Variants in LINGO2 observed in about 807,000 individuals in gnomAD.
The protein encoded by LINGO2 is leucine rich repeat and Ig domain containing 2.
A neutral mutation model predicts 30.6 loss-of-function variants in LINGO2; 14 were observed. That is an observed-to-expected ratio of 0.46 (90% confidence interval 0.30 to 0.72). The LOEUF is 0.72. Among genes scored for constraint, LINGO2 ranks in the 30% least tolerant of loss-of-function variants. The probability of loss-of-function intolerance (pLI) is 0.07; values close to 1 mark genes in which losing one functional copy is unlikely to be tolerated. For missense variants in LINGO2, 729 were observed against 751.7 expected (o/e 0.97, Z 0.35); for synonymous variants, 317 against 288.5 (o/e 1.10, Z -1.00).
the LINGO2 span, among the ~76,000 whole-genome samples, chr9:29,098,406 T>C: frequency 6.6e-6 from 1 of 151,962 alleles, no homozygotes; most frequent in Non-Finnish European, 1.5e-5. Context: ...CTTGGGAAGA[T>C]TCAAGTAGTG....
chr9:28,766,523 C>A, the LINGO2 span, among the ~76,000 whole-genome samples: 1 of 151,382 alleles, frequency 6.6e-6, no homozygotes, highest in Non-Finnish European at 1.5e-5. Context: ...TATAAAGATT[C>A]CTCAAAAATT....
In LINGO2 at chr9:28,555,946, C is replaced by A. The variant is rs1481265337; in HGVS notation, c.-364-79921G>T. ...AAAGGCCTTTGACAAAATTCAACAG[C>A]CCTTCATGCTAAAAACTCTCAATAA... On this transcript the variant is annotated intron_variant, in intron 1 of 5. Transcript: ENST00000379992. Among the ~76,000 whole-genome samples the A allele has an allele frequency of 7.9e-5, 12 of 152,108 alleles. No individual in the cohort carries two copies. In the East Asian group the frequency reaches 1.9e-3, roughly 25 times the overall value.
chr9:28,790,040 C>A, the LINGO2 span, among the ~76,000 whole-genome samples: 1 of 152,110 alleles, frequency 6.6e-6, no homozygotes, highest in Admixed American at 6.5e-5. Flanking sequence ...AACTGCGGTT[C>A]AAAAATATTA....
chr9:28,222,210 C>G (rs1363057200), intron 4 of LINGO2, among the ~76,000 whole-genome samples: 1 of 152,098 alleles, frequency 6.6e-6, no homozygotes, highest in East Asian at 1.9e-4. Context: ...ATTCTGAATT[C>G]AACTGTGATA....
At chr9:28,789,265 A>G in the LINGO2 span, among the ~76,000 whole-genome samples, 5 of 152,286 alleles carry the variant, frequency 3.3e-5, no homozygotes, top group South Asian at 6.2e-4. Context: ...TGAGATAAGG[A>G]AAGAGGAATA....
chr9:28,640,885 A>T (rs933561643), intron 1 of LINGO2, among the ~76,000 whole-genome samples: 1 of 152,132 alleles, frequency 6.6e-6, no homozygotes, highest in Admixed American at 6.5e-5. Flanking sequence ...ACGTTCCTTT[A>T]GAGGAGGAGA....
the LINGO2 span, among the ~76,000 whole-genome samples, chr9:28,736,988 G>C: frequency 7.2e-5 from 11 of 152,178 alleles, no homozygotes; most frequent in Non-Finnish European, 1.2e-4. Context: ...CCTAATTCAG[G>C]CCTTGGGTAG....
At chr9:28,259,380 G>A (rs1327949587) in intron 4 of LINGO2, among the ~76,000 whole-genome samples, 2 of 151,948 alleles carry the variant, frequency 1.3e-5, no homozygotes, top group Non-Finnish European at 2.9e-5. Context: ...GGTACTGGAA[G>A]AAGGGCATGG....
chr9:28,976,540 C>G, the LINGO2 span, among the ~76,000 whole-genome samples: 1 of 152,084 alleles, frequency 6.6e-6, no homozygotes, highest in Admixed American at 6.6e-5. Context: ...AAAAATTGCA[C>G]CTGTTTTTAA....
At chr9:28,913,808 G>C in the LINGO2 span, among the ~76,000 whole-genome samples, 1 of 152,032 alleles carries the variant, frequency 6.6e-6, no homozygotes, top group Non-Finnish European at 1.5e-5. Context: ...TAGTGTTCCT[G>C]GACTCAGCAT....
chr9:28,217,801 C>T (rs1487488379), intron 4 of LINGO2, among the ~76,000 whole-genome samples: 1 of 151,890 alleles, frequency 6.6e-6, no homozygotes, highest in African/African-American at 2.4e-5. Context: ...ATAGGAACTG[C>T]TTTTAAAGTG....
chr9:28,695,010 T>C, the LINGO2 span, among the ~76,000 whole-genome samples: 1 of 151,188 alleles, frequency 6.6e-6, no homozygotes, highest in African/African-American at 2.4e-5. Flanking sequence ...TGTATACCCA[T>C]TGAGCTGTCA....
At chr9:27,964,000 T>G (rs1819977612) in intron 5 of LINGO2, among the ~76,000 whole-genome samples, 1 of 152,194 alleles carries the variant, frequency 6.6e-6, no homozygotes, top group Admixed American at 6.6e-5. Context: ...AAGCCCAAAG[T>G]CCCAGACCTG....
chr9:28,666,873 G>T (rs1828821989), intron 1 of LINGO2, among the ~76,000 whole-genome samples: 1 of 151,976 alleles, frequency 6.6e-6, no homozygotes, highest in South Asian at 2.1e-4. Context: ...GTTGGCTTCA[G>T]GTTCATATCC....
intron 4 of LINGO2, among the ~76,000 whole-genome samples, chr9:28,283,877 C>T (rs1823413399): frequency 6.6e-6 from 1 of 152,040 alleles, no homozygotes; most frequent in Non-Finnish European, 1.5e-5. Flanking sequence ...CTTTTCCTTA[C>T]CTATTTCTGA....
At chr9:29,008,541 C>G in the LINGO2 span, among the ~76,000 whole-genome samples, 1 of 152,166 alleles carries the variant, frequency 6.6e-6, no homozygotes, top group African/African-American at 2.4e-5. Flanking sequence ...ACAGTCCCAC[C>G]AACAATGTAA....
intron 1 of LINGO2, among the ~76,000 whole-genome samples, chr9:28,512,636 T>TATACAC (rs1443255782): frequency 3.2e-4 from 2 of 6,182 alleles, no homozygotes; most frequent in African/African-American, 7.0e-4. Context: ...TATATATATA[T>TATACAC]ACACACATAC....
At chr9:28,056,412 T>C (rs999057352) in intron 4 of LINGO2, among the ~76,000 whole-genome samples, 6 of 152,100 alleles carry the variant, frequency 3.9e-5, no homozygotes, top group Admixed American at 2.6e-4. Flanking sequence ...CTCCATCAGT[T>C]AAATATTGTT....
At chr9:28,537,872 A>T (rs1821504713) in intron 1 of LINGO2, among the ~76,000 whole-genome samples, 1 of 135,990 alleles carries the variant, frequency 7.4e-6, no homozygotes, top group Non-Finnish European at 1.5e-5. Flanking sequence ...TGTTAAATTA[A>T]AAAAAAAAAA....
Sources: gnomAD v4.1 joint callset for allele counts (sites outside exome capture counted in the v4.1 genomes callset) on GRCh38, gnomAD v4.1.1 for gene constraint, MANE v1.5 for transcripts, NCBI Gene and HGNC (gene_info 2026-07-23, HGNC 2026-07-21) for gene names.